Variants in ZNF704 observed in about 807,000 individuals in gnomAD.
ZNF704 encodes zinc finger protein 704.
ZNF704 carries 10 observed loss-of-function variants against 44.7 expected under a neutral mutation model. The observed-to-expected ratio is 0.22, with a 90% confidence interval of 0.14 to 0.38. The LOEUF (loss-of-function observed/expected upper bound fraction) is 0.38. Among genes scored for constraint, ZNF704 ranks in the 10% least tolerant of loss-of-function variants. The probability of loss-of-function intolerance (pLI) is 1.00; values close to 1 mark genes in which losing one functional copy is unlikely to be tolerated. For missense variants in ZNF704, 390 were observed against 545.5 expected (o/e 0.71, Z 2.84); for synonymous variants, 211 against 207.6 (o/e 1.02, Z -0.14).
intron 1 of ZNF704, among the ~76,000 whole-genome samples, chr8:80,824,799 C>T (rs1586055057): frequency 6.6e-6 from 1 of 152,096 alleles, no homozygotes; most frequent in East Asian, 1.9e-4. Flanking sequence ...AATTTTCAAC[C>T]CAGAATTTCA....
At chr8:80,740,987 AGGCTCAGCTCTGC>A (rs1482642384) in intron 2 of ZNF704, among the ~76,000 whole-genome samples, 56 of 152,368 alleles carry the variant, frequency 3.7e-4, no homozygotes, top group African/African-American at 1.3e-3. Flanking sequence ...TCCAAACCAA[AGGCTCAGCTCTGC>A]TTACAGCAGG....
intron 1 of ZNF704, among the ~76,000 whole-genome samples, chr8:80,854,187 A>G (rs975079297): frequency 1.3e-5 from 2 of 152,360 alleles, no homozygotes; most frequent in South Asian, 4.1e-4. Context: ...AACACAAGAC[A>G]TAATCAATGC....
Position 80,643,022 on chromosome 8 carries a change from TA to T in ZNF704, c.1127+12del. The T allele has an allele frequency of 6.5e-7, 1 of 1,544,942 alleles. No individual in the cohort carries two copies. Among genetic ancestry groups the T allele is most frequent in the Non-Finnish European group, 8.8e-7 (1 of 1,139,958 alleles). On this transcript the variant is annotated intron_variant, in intron 8 of 8. Transcript: ENST00000327835. ...TTGTGGTGAGGTGTGTGGAGTTTTT[TA>T]AGCTGTCGTACCTTAAGCTGACTGT... is the stretch of plus-strand genomic sequence containing the variant.
intron 2 of ZNF704, among the ~76,000 whole-genome samples, chr8:80,719,867 T>C (rs796368559): frequency 1.3e-5 from 2 of 152,208 alleles, no homozygotes; most frequent in South Asian, 2.1e-4. Context: ...TTCCACATAA[T>C]GGATGTGATC....
At chr8:80,652,091 C>G (rs986225406) in intron 7 of ZNF704, among the ~76,000 whole-genome samples, 26 of 152,320 alleles carry the variant, frequency 1.7e-4, no homozygotes, top group Non-Finnish European at 3.2e-4. Context: ...GAAATGAAGG[C>G]AGAAATAAAA....
the ZNF704 span, among the ~76,000 whole-genome samples, chr8:80,884,012 G>C: frequency 2.6e-5 from 4 of 152,206 alleles, no homozygotes; most frequent in African/African-American, 9.6e-5. Context: ...AAAATAGAAT[G>C]AGACATCAGC....
chr8:80,756,217 C>T (rs535823109), intron 2 of ZNF704, among the ~76,000 whole-genome samples: 2 of 152,092 alleles, frequency 1.3e-5, no homozygotes, highest in African/African-American at 2.4e-5. Flanking sequence ...ACAGACATAT[C>T]CAAGAGCAGT....
At chr8:80,721,325 G>A (rs983817455) in intron 2 of ZNF704, among the ~76,000 whole-genome samples, 3 of 152,154 alleles carry the variant, frequency 2.0e-5, no homozygotes, top group African/African-American at 7.2e-5. Flanking sequence ...GAAGAAAAAT[G>A]CAGATGTTCA....
In ZNF704 at chr8:80,663,547, G is replaced by C. The variant is rs554837773; in HGVS notation, c.927+1268C>G. Reference sequence around the variant, plus strand: ...GCACAGAGGAGGGTGTGGAAGAGGGGTGGTCCCAAGAATTTTCATTTCTAA... The same window carrying C: ...GCACAGAGGAGGGTGTGGAAGAGGGCTGGTCCCAAGAATTTTCATTTCTAA... On this transcript the variant is annotated intron_variant, in intron 6 of 8. Coordinates refer to ENST00000327835, the MANE Select transcript of ZNF704 (RefSeq NM_001033723.3). Among the ~76,000 whole-genome samples the C allele has an allele frequency of 1.1e-4, 17 of 152,142 alleles. No individual in the cohort carries two copies. The South Asian group carries it at 3.3e-3, about 30-fold the overall frequency.
chr8:80,751,226 C>A (rs983756298), intron 2 of ZNF704, among the ~76,000 whole-genome samples: 1 of 152,070 alleles, frequency 6.6e-6, no homozygotes, highest in Non-Finnish European at 1.5e-5. Flanking sequence ...CTTAGGGCGC[C>A]CTTCCCTGAC....
chr8:80,758,144 G>C (rs1469493843), intron 2 of ZNF704, among the ~76,000 whole-genome samples: 2 of 152,204 alleles, frequency 1.3e-5, no homozygotes, highest in Non-Finnish European at 2.9e-5. Flanking sequence ...ACTGTCATCG[G>C]AAGTATTTCC....
chr8:80,722,090 C>T (rs1340448885), intron 2 of ZNF704, among the ~76,000 whole-genome samples: 4 of 151,986 alleles, frequency 2.6e-5, no homozygotes, highest in African/African-American at 7.3e-5. Flanking sequence ...TACAAAAAAA[C>T]GTAGCTGGGA....
chr8:80,641,426 G>C lies in ZNF704; in HGVS notation c.1179C>G (p.Asn393Lys), dbSNP rs1199559030. The C allele has an allele frequency of 1.2e-6, 2 of 1,613,848 alleles. No individual in the cohort carries two copies. Among genetic ancestry groups the C allele is most frequent in the Non-Finnish European group, 1.7e-6 (2 of 1,179,918 alleles). ...KKCRKVYGME[N>K]RDMWCTACRW... ...GGCAGGCGGTACACCACATGTCTCG[G>C]TTCTCCATCCCGTACACCTTCCGAC... The change falls in exon 9 of 9, where the codon AAC becomes AAG. Residue 393 changes from asparagine to lysine, a missense_variant. Physicochemically the swap from Asn to Lys is moderately conservative, Grantham distance 94. Around this residue, in one of 3 missense-constraint regions of ZNF704, gnomAD observed 305 missense variants for 435.7 expected, o/e 0.70. Coordinates refer to ENST00000327835, the MANE Select transcript of ZNF704 (RefSeq NM_001033723.3).
At chr8:80,768,508 G>A (rs561622686) in intron 2 of ZNF704, among the ~76,000 whole-genome samples, 9 of 152,196 alleles carry the variant, frequency 5.9e-5, no homozygotes, top group Non-Finnish European at 8.8e-5. Context: ...TCTTCTCTAG[G>A]TGAAGGCCAT....
chr8:80,700,833 C>T (rs1818798606), intron 2 of ZNF704, among the ~76,000 whole-genome samples: 1 of 152,172 alleles, frequency 6.6e-6, no homozygotes, highest in Admixed American at 6.5e-5. Context: ...TGAGCACACA[C>T]CTGGATTTTG....
At chr8:80,806,073 T>A (rs1359572364) in intron 2 of ZNF704, among the ~76,000 whole-genome samples, 1 of 152,108 alleles carries the variant, frequency 6.6e-6, no homozygotes, top group East Asian at 1.9e-4. Context: ...GAAAGTAGCA[T>A]CTCTTCTTCT....
chr8:80,703,615 C>T (rs77728262), intron 2 of ZNF704, among the ~76,000 whole-genome samples: 2 of 152,148 alleles, frequency 1.3e-5, no homozygotes, highest in Non-Finnish European at 2.9e-5. Flanking sequence ...GTTGGGACTA[C>T]AGGCAAACGC....
intron 2 of ZNF704, among the ~76,000 whole-genome samples, chr8:80,778,558 A>G (rs913979518): frequency 3.3e-5 from 5 of 152,180 alleles, no homozygotes; most frequent in Admixed American, 2.0e-4. Flanking sequence ...CATGCACACA[A>G]ATGTTCATTA....
rs572242783 is a variant in ZNF704, at chr8:80,737,232, T to C, written c.222-44125A>G. Reference sequence around the variant, plus strand: ...TCTCACAGTTTCTGTGGTCAGGAATTTGGGAGCCACTTGGCTGAGTGCTCT... The same window carrying C: ...TCTCACAGTTTCTGTGGTCAGGAATCTGGGAGCCACTTGGCTGAGTGCTCT... On this transcript the variant is annotated intron_variant, in intron 2 of 8. Transcript: ENST00000327835. Among the ~76,000 whole-genome samples, 5 of 152,328 alleles carry C rather than the reference T, an allele frequency of 3.3e-5. No individual in the cohort carries two copies. The South Asian group carries it at 1.0e-3, about 32-fold the overall frequency.
Sources: gnomAD v4.1 joint callset for allele counts (sites outside exome capture counted in the v4.1 genomes callset) on GRCh38, gnomAD v4.1.1 for gene constraint, gnomAD v4.1.1 regional missense constraint, MANE v1.5 for transcripts, NCBI Gene and HGNC (gene_info 2026-07-23, HGNC 2026-07-21) for gene names.